NRP1: variants seen among roughly 807,000 people sequenced by gnomAD.
NRP1 encodes neuropilin-1.
A neutral mutation model predicts 106.7 loss-of-function variants in NRP1; 35 were observed. That is an observed-to-expected ratio of 0.33 (90% CI 0.25 to 0.43). The LOEUF is 0.43. NRP1 is among the 20% of genes least tolerant of loss of function. The probability of loss-of-function intolerance (pLI) is 1.00; values close to 1 mark genes in which losing one functional copy is unlikely to be tolerated. For missense variants in NRP1, 1,024 were observed against 1,170.4 expected (o/e 0.87, Z 1.83); for synonymous variants, 437 against 417.9 (o/e 1.05, Z -0.56).
intron 2 of NRP1, among the ~76,000 whole-genome samples, chr10:33,290,706 A>T (rs945887318): frequency 2.0e-5 from 3 of 152,166 alleles, no homozygotes; most frequent in Non-Finnish European, 2.9e-5. Flanking sequence ...GCACGCTTCA[A>T]TTACCTCCGA....
intron 2 of NRP1, among the ~76,000 whole-genome samples, chr10:33,316,637 C>CAA (rs1195605115): frequency 6.6e-6 from 1 of 151,806 alleles, no homozygotes; most frequent in African/African-American, 2.4e-5. Context: ...GAAATAGAGG[C>CAA]AAAAAAGAGA....
At chr10:33,216,385 C>T (rs1466471444) in intron 8 of NRP1, among the ~76,000 whole-genome samples, 1 of 152,016 alleles carries the variant, frequency 6.6e-6, no homozygotes. Context: ...ATGCCTGCCT[C>T]GGCCTCCCAA....
chr10:33,181,628 T>C (rs1193769281), intron 16 of NRP1, among the ~76,000 whole-genome samples: 1 of 152,236 alleles, frequency 6.6e-6, no homozygotes, highest in East Asian at 1.9e-4. Context: ...GGCCTAACTC[T>C]GATCAAAGGT....
chr10:33,306,385 T>TGTGTGTGCAC (rs151172200), intron 2 of NRP1, among the ~76,000 whole-genome samples: 2 of 150,986 alleles, frequency 1.3e-5, no homozygotes, highest in Admixed American at 6.6e-5. Flanking sequence ...TGTGTGTGTG[T>TGTGTGTGCAC]GCACGCTCCT....
Position 33,271,577 on chromosome 10 carries a change from A to T in NRP1, c.249-721T>A, listed in dbSNP as rs114993202. ...AGGAATATCATTGTTTGAGTCTTTA[A>T]AGAAATCTCGTTGTTTGAGAAAGAA... On this transcript the variant is annotated intron_variant, in intron 2 of 16. Transcript: ENST00000374867. Among the ~76,000 whole-genome samples, 761 of 152,356 alleles carry T rather than the reference A, an allele frequency of 5.0e-3. 8 individuals carry two copies. Among genetic ancestry groups the T allele is most frequent in the African/African-American group, 0.018 (730 of 41,582 alleles).
chr10:33,298,432 G>A (rs948590739), intron 2 of NRP1, among the ~76,000 whole-genome samples: 2 of 152,144 alleles, frequency 1.3e-5, no homozygotes, highest in Non-Finnish European at 1.5e-5. Flanking sequence ...CCTGGAAGAC[G>A]ATGGGCCCAT....
intron 2 of NRP1, among the ~76,000 whole-genome samples, chr10:33,292,006 T>C (rs1845030640): frequency 6.6e-6 from 1 of 152,142 alleles, no homozygotes; most frequent in Non-Finnish European, 1.5e-5. Context: ...TGGGCTCAGG[T>C]GATCCTCCCA....
intron 2 of NRP1, among the ~76,000 whole-genome samples, chr10:33,294,864 A>C (rs529402231): frequency 1.3e-3 from 198 of 152,190 alleles, no homozygotes; most frequent in African/African-American, 4.4e-3. Flanking sequence ...GATTAACAAC[A>C]AACACATCAT....
At chr10:33,299,639 G>T (rs757498786) in intron 2 of NRP1, among the ~76,000 whole-genome samples, 1 of 152,018 alleles carries the variant, frequency 6.6e-6, no homozygotes, top group African/African-American at 2.4e-5. Context: ...TTTAAAAATC[G>T]GCTGGTTTTA....
At chr10:33,197,622 C>T (rs369227474) in intron 12 of NRP1, 28 bp downstream of exon 12, 1 of 1,574,188 alleles carries the variant, frequency 6.4e-7, no homozygotes, top group Non-Finnish European at 8.7e-7. Context: ...TACATGGAAT[C>T]TGTCACATTT....
chr10:33,323,941 G>A (rs1310543628), intron 2 of NRP1, among the ~76,000 whole-genome samples: 3 of 152,156 alleles, frequency 2.0e-5, no homozygotes, highest in Non-Finnish European at 4.4e-5. Context: ...TCAGTTAAGT[G>A]CCTGCTCCCT....
At chr10:33,245,596 C>T (rs1314824650) in intron 6 of NRP1, among the ~76,000 whole-genome samples, 1 of 152,188 alleles carries the variant, frequency 6.6e-6, no homozygotes, top group Non-Finnish European at 1.5e-5. Flanking sequence ...ACACCAGCCT[C>T]AACAGAGACT....
chr10:33,310,088 C>T (rs1249098027), intron 2 of NRP1, among the ~76,000 whole-genome samples: 4 of 151,356 alleles, frequency 2.6e-5, no homozygotes, highest in Non-Finnish European at 5.9e-5. Context: ...TCTGGGACTA[C>T]AGACGCCCGC....
At position 33,262,518 on chromosome 10, in the gene NRP1, C is replaced by T. The variant is rs1463996924; in HGVS notation, c.658+1128G>A. ...AGGAGTTCGAGACCAGCCTGGCCAA[C>T]ATGGTGAAAACCCGTCTCTACCAAA... is the stretch of plus-strand genomic sequence containing the variant. On this transcript the variant is annotated intron_variant, in intron 4 of 16. Coordinates refer to ENST00000374867, the MANE Select transcript of NRP1 (RefSeq NM_003873.7). 6.6e-5 allele frequency among the ~76,000 whole-genome samples: 10 copies of T among 152,110 alleles called. No homozygotes were observed. In the South Asian group the frequency reaches 2.1e-3, roughly 32 times the overall value.
chr10:33,255,154 T>A (rs1842114874), intron 5 of NRP1, among the ~76,000 whole-genome samples: 1 of 152,206 alleles, frequency 6.6e-6, no homozygotes, highest in South Asian at 2.1e-4. Flanking sequence ...TTTCTATCAA[T>A]AACAGATAAG....
chr10:33,199,810 T>C (rs569053513), intron 11 of NRP1, among the ~76,000 whole-genome samples: 68 of 152,256 alleles, frequency 4.5e-4, no homozygotes, highest in African/African-American at 1.6e-3. Flanking sequence ...CCCAATAATA[T>C]CATTCAGTAA....
intron 2 of NRP1, among the ~76,000 whole-genome samples, chr10:33,300,481 C>T (rs758791647): frequency 2.0e-5 from 3 of 152,146 alleles, no homozygotes; most frequent in Non-Finnish European, 4.4e-5. Flanking sequence ...CAGAATCAGG[C>T]AGGATTATCT....
chr10:33,261,202 G>T (rs1436108474), intron 4 of NRP1, among the ~76,000 whole-genome samples: 1 of 152,094 alleles, frequency 6.6e-6, no homozygotes, highest in African/African-American at 2.4e-5. Flanking sequence ...AACTCTTATT[G>T]TTAATTGTTC....
chr10:33,324,870 G>C (rs927347201), intron 2 of NRP1, among the ~76,000 whole-genome samples: 3 of 152,166 alleles, frequency 2.0e-5, no homozygotes, highest in African/African-American at 7.2e-5. Context: ...TCGAACTCCT[G>C]ACTTCAAGTG....
Sources: gnomAD v4.1 joint callset for allele counts (sites outside exome capture counted in the v4.1 genomes callset) on GRCh38, gnomAD v4.1.1 for gene constraint, MANE v1.5 for transcripts, NCBI Gene and HGNC (gene_info 2026-07-23, HGNC 2026-07-21) for gene names.